Variants in CDYL observed in about 807,000 individuals in gnomAD.
The protein encoded by CDYL is chromodomain Y-like protein.
A neutral mutation model predicts 47.3 loss-of-function variants in CDYL; 8 were observed. That is an observed-to-expected ratio of 0.17 (90% CI 0.10 to 0.31). The LOEUF (loss-of-function observed/expected upper bound fraction) is 0.31. CDYL is among the 10% of genes least tolerant of loss of function. CDYL has a pLI of 1.00. For missense variants in CDYL, 471 were observed against 701.4 expected (o/e 0.67, Z 3.71); for synonymous variants, 266 against 265.0 (o/e 1.00, Z -0.04).
At chr6:4,858,994 G>C (rs545322492) in intron 1 of CDYL, among the ~76,000 whole-genome samples, 1 of 152,200 alleles carries the variant, frequency 6.6e-6, no homozygotes, top group African/African-American at 2.4e-5. Context: ...TTCTGGGCTG[G>C]TTCATGACTG....
chr6:4,740,817 T>C (rs1757783813), intron 3 of CDYL, among the ~76,000 whole-genome samples: 1 of 151,710 alleles, frequency 6.6e-6, no homozygotes, highest in Admixed American at 6.6e-5. Context: ...GATGGAGTCT[T>C]GCTCTGTCAC....
intron 3 of CDYL, among the ~76,000 whole-genome samples, chr6:4,748,668 C>CACACACAG (rs1197636133): frequency 1.3e-5 from 2 of 151,480 alleles, no homozygotes; most frequent in East Asian, 1.9e-4. Flanking sequence ...CACACACACA[C>CACACACAG]ACACACACAC....
chr6:4,863,689 T>C (rs1188415375), intron 1 of CDYL, among the ~76,000 whole-genome samples: 2 of 152,188 alleles, frequency 1.3e-5, no homozygotes, highest in Admixed American at 6.5e-5. Flanking sequence ...AAAATAAATA[T>C]CCTTTTGCAA....
chr6:4,903,207 C>A (rs1251897427), intron 2 of CDYL, among the ~76,000 whole-genome samples: 2 of 152,200 alleles, frequency 1.3e-5, no homozygotes, highest in Non-Finnish European at 2.9e-5. Flanking sequence ...GGACGTCCTC[C>A]AAATCAGACG....
At chr6:4,724,711 C>CA (rs1179007647) in intron 2 of CDYL, 1 of 152,202 alleles carries the variant, frequency 6.6e-6, no homozygotes, top group Non-Finnish European at 1.5e-5. Context: ...ATTCTTCGTT[C>CA]CTCTCGTTGG....
chr6:4,856,993 G>A (rs1389259533), intron 1 of CDYL, among the ~76,000 whole-genome samples: 1 of 152,180 alleles, frequency 6.6e-6, no homozygotes, highest in Non-Finnish European at 1.5e-5. Flanking sequence ...GCCAGCCGGG[G>A]GAAGTCCACA....
At chr6:4,776,919 C>A in intron 1 of CDYL, 112 bp downstream of exon 1, 1 of 318,884 alleles carries the variant, frequency 3.1e-6, no homozygotes, top group Non-Finnish European at 4.5e-6. Flanking sequence ...TCCCCTCCCC[C>A]GCCGCGGCCG....
At chr6:4,806,298 G>A (rs568569368) in intron 1 of CDYL, among the ~76,000 whole-genome samples, 19 of 152,328 alleles carry the variant, frequency 1.2e-4, no homozygotes, top group African/African-American at 4.3e-4. Flanking sequence ...AGGGCAGGGC[G>A]AGGTCTGCAT....
Position 4,953,843 on chromosome 6 carries a change from G to A in CDYL, c.1477-55G>A, listed in dbSNP as rs139417899. 12 of 1,545,028 alleles carry A rather than the reference G, an allele frequency of 7.8e-6. No individual in the cohort carries two copies. The East Asian group carries it at 2.7e-4, about 35-fold the overall frequency. On this transcript the variant is annotated intron_variant, in intron 6 of 6. Transcript: ENST00000397588. ...CCTCCGTAAATGTGGAGGCACAGGG[G>A]ACCCGTGTCTGCCCGCATGCACCCT...
upstream of CDYL, among the ~76,000 whole-genome samples, chr6:4,775,779 G>A (rs1425377538): frequency 6.7e-6 from 1 of 149,170 alleles, no homozygotes; most frequent in Non-Finnish European, 1.5e-5. This position sits in a 1 kb window ranked among gnomAD's most constrained non-coding sequence, Gnocchi z 7.0. Flanking sequence ...GGGCGGGCAT[G>A]GGGTGGGGTG....
chr6:4,908,555 A>G (rs1447663607), intron 2 of CDYL, among the ~76,000 whole-genome samples: 2 of 152,160 alleles, frequency 1.3e-5, no homozygotes, highest in African/African-American at 4.8e-5. Flanking sequence ...CCTGCCCCCC[A>G]CAGGCAACCT....
chr6:4,732,410 T>C (rs9328273), intron 2 of CDYL, among the ~76,000 whole-genome samples: 21,192 of 151,324 alleles, frequency 0.14, 1,923 homozygotes, highest in African/African-American at 0.27. Context: ...TCCCAGCACA[T>C]TGGGAGGCAG....
At chr6:4,950,646 A>G (rs1195745410) in intron 5 of CDYL, among the ~76,000 whole-genome samples, 2 of 152,194 alleles carry the variant, frequency 1.3e-5, no homozygotes, top group Non-Finnish European at 2.9e-5. Flanking sequence ...AGACTCTTCA[A>G]AAACTCATGA....
chr6:4,742,666 A>C (rs942566111), intron 3 of CDYL, among the ~76,000 whole-genome samples: 14 of 152,242 alleles, frequency 9.2e-5, no homozygotes, highest in African/African-American at 3.4e-4. Context: ...AGGAATGGCA[A>C]AGACTCCCTT....
intron 3 of CDYL, among the ~76,000 whole-genome samples, chr6:4,744,531 A>C (rs1056486346): frequency 1.3e-5 from 2 of 152,110 alleles, no homozygotes; most frequent in Middle Eastern, 3.2e-3. Context: ...GACAAAGAGA[A>C]AGAGAGTGCA....
At chr6:4,896,127 T>G (rs1762277194) in intron 2 of CDYL, among the ~76,000 whole-genome samples, 1 of 152,184 alleles carries the variant, frequency 6.6e-6, no homozygotes, top group African/African-American at 2.4e-5. Context: ...ATAGAAGCTG[T>G]TAGGGAGCAT....
chr6:4,881,332 T>C (rs1175543117), intron 1 of CDYL, among the ~76,000 whole-genome samples: 2 of 152,196 alleles, frequency 1.3e-5, no homozygotes, highest in Non-Finnish European at 2.9e-5. Context: ...CTTGTTGATA[T>C]TATTATGGTT....
At chr6:4,803,918 A>T (rs574241598) in intron 1 of CDYL, among the ~76,000 whole-genome samples, 2 of 150,768 alleles carry the variant, frequency 1.3e-5, no homozygotes, top group Non-Finnish European at 2.9e-5. Flanking sequence ...TGGTGGTGTA[A>T]ATTATATTTT....
chr6:4,894,724 C>T (rs971655599), intron 2 of CDYL, among the ~76,000 whole-genome samples: 2 of 152,136 alleles, frequency 1.3e-5, no homozygotes, highest in African/African-American at 2.4e-5. Flanking sequence ...TGCTGGATTA[C>T]AGGCGTGAGC....
Sources: allele counts gnomAD v4.1 joint callset (sites outside exome capture counted in the v4.1 genomes callset), GRCh38; gene constraint gnomAD v4.1.1; non-coding constraint Gnocchi (gnomAD v3.1); transcripts MANE v1.5; gene names NCBI Gene and HGNC (gene_info 2026-07-23, HGNC 2026-07-21).